PXMP2: variants seen among roughly 807,000 people sequenced by gnomAD.
PXMP2 encodes the protein 22 kDa peroxisomal membrane protein.
A neutral mutation model predicts 20.2 loss-of-function variants in PXMP2; 13 were observed. The observed-to-expected ratio is 0.64, with a 90% CI of 0.42 to 1.02. PXMP2 has a LOEUF of 1.02. PXMP2 is among the 50% of genes least tolerant of loss of function. The pLI is 0.00. For synonymous variants in PXMP2, 113 were observed against 111.2 expected, an observed-to-expected ratio of 1.02 and a Z score of -0.10; for missense variants, 284 against 251.8, an observed-to-expected ratio of 1.13 and a Z score of -0.87.
chr12:132,697,289 G>A (rs891694516), intron 3 of PXMP2, among the ~76,000 whole-genome samples: 2 of 123,758 alleles, frequency 1.6e-5, no homozygotes, highest in African/African-American at 5.2e-5. Flanking sequence ...TGGTTCAAAA[G>A]ACAAAAATAA....
chr12:132,693,516 G>T (rs2043385821), intron 2 of PXMP2, among the ~76,000 whole-genome samples: 2 of 90,428 alleles, frequency 2.2e-5, no homozygotes, highest in African/African-American at 4.0e-5. Flanking sequence ...GTTAGTTAGT[G>T]AGCTCCCTTG....
intron 3 of PXMP2, among the ~76,000 whole-genome samples, chr12:132,699,299 C>T (rs1565992939): frequency 6.6e-6 from 1 of 152,042 alleles, no homozygotes; most frequent in Non-Finnish European, 1.5e-5. Context: ...TGGCTGTAGT[C>T]CCAGCTACTC....
rs559210584 is a variant in PXMP2 at position 132,699,731 on chromosome 12, G to A, written c.400-1519G>A. ...TTTTTTTATAGCAGAGTAGTGTTCCGTGGTGTATTTATGGCACTTTTTCTT... is the reference window on the plus strand; with the variant it reads ...TTTTTTTATAGCAGAGTAGTGTTCCATGGTGTATTTATGGCACTTTTTCTT... On this transcript the variant is annotated intron_variant, in intron 3 of 4. Coordinates refer to ENST00000317479, the MANE Select transcript of PXMP2 (RefSeq NM_018663.3). Among the ~76,000 whole-genome samples the A allele has an allele frequency of 3.9e-5, 6 of 152,012 alleles. No homozygotes were observed. The East Asian group carries it at 1.2e-3, about 29-fold the overall frequency.
rs1401532337 is a variant in PXMP2 at position 132,694,758 on chromosome 12, CAGTTAGTGAGTGCCCTTGCCAGTT to C, written c.237-1115_237-1092del. On this transcript the variant is annotated intron_variant, in intron 2 of 4. Coordinates refer to ENST00000317479, the MANE Select transcript of PXMP2 (RefSeq NM_018663.3). ...CAGTTAGTTAGTGAGCTCCCTTAGTCAGTTAGTGAGTGCCCTTGCCAGTTAGTTAGTGAGCGCCCTTGCCAGTTA... is the reference window on the plus strand; with the variant it reads ...CAGTTAGTTAGTGAGCTCCCTTAGTCAGTTAGTGAGCGCCCTTGCCAGTTA... Among the ~76,000 whole-genome samples the C allele has an allele frequency of 4.8e-4, 52 of 107,626 alleles. 1 individual carries two copies. Among genetic ancestry groups the C allele is most frequent in the African/African-American group, 1.6e-3 (46 of 28,232 alleles). The allele number at this position is 107,626 out of a possible 152,430, so 70.6% of individuals were successfully genotyped here.
chr12:132,694,002 T>A (rs1323193047), intron 2 of PXMP2, among the ~76,000 whole-genome samples: 2 of 111,282 alleles, frequency 1.8e-5, no homozygotes, highest in African/African-American at 6.2e-5. Flanking sequence ...TGCCAGTTAG[T>A]TAGTGAGCTC....
Position 132,701,322 on chromosome 12 carries a change from G to A in PXMP2, c.472G>A (p.Val158Met), listed in dbSNP as rs765622337. The change falls in exon 4 of 5, where the codon GTG (valine) becomes ATG (methionine). Residue 158 changes from valine to methionine, a missense_variant. Val to Met is a conservative substitution (Grantham distance 21). Coordinates refer to ENST00000317479, the MANE Select transcript of PXMP2 (RefSeq NM_018663.3). ...FWPALRMNWR[V>M]WTPLQFININ... is the part of the protein sequence containing the mutation. ...GCCGGCGCTGAGGATGAACTGGCGG[G>A]TGTGGACGCCACTACAGTTCATCAA... 14 of 1,613,254 alleles carry A rather than the reference G, an allele frequency of 8.7e-6. No individual in the cohort carries two copies. In the South Asian group the frequency reaches 1.1e-4, roughly 13 times the overall value.
chr12:132,703,846 G>A (rs886667255), intron 4 of PXMP2, among the ~76,000 whole-genome samples: 1 of 152,134 alleles, frequency 6.6e-6, no homozygotes, highest in African/African-American at 2.4e-5. Flanking sequence ...ACAGCCATGG[G>A]CCACTGGTTC....
chr12:132,690,186 C>T, intron 1 of PXMP2, 77 bp from the exon 2 acceptor site: 1 of 1,163,510 alleles, frequency 8.6e-7, no homozygotes, highest in Non-Finnish European at 1.3e-6. Context: ...CTCAGAACGG[C>T]CCTGCTAATT....
chr12:132,690,882 G>C (rs1359667740), intron 2 of PXMP2, among the ~76,000 whole-genome samples: 4 of 151,892 alleles, frequency 2.6e-5, no homozygotes, highest in Non-Finnish European at 1.5e-5. Flanking sequence ...AATTGGATGG[G>C]TAGGGGTGAC....
chr12:132,697,412 TA>T (rs1239013986), intron 3 of PXMP2, among the ~76,000 whole-genome samples: 11 of 151,922 alleles, frequency 7.2e-5, no homozygotes, highest in Non-Finnish European at 1.5e-5. Context: ...TTTATTTATT[TA>T]TTTTTTATTT....
Position 132,696,149 on chromosome 12 carries a change from A to G in PXMP2, c.399+103A>G, listed in dbSNP as rs1469771052. ...CAGAGGGTCTGCAGATTTTTCACTC[A>G]AATTGAAATTTTGCATTTTCTTTTA... is the stretch of plus-strand genomic sequence containing the variant. On this transcript the variant is annotated intron_variant, in intron 3 of 4. Coordinates refer to ENST00000317479, the MANE Select transcript of PXMP2 (RefSeq NM_018663.3). The surrounding 1 kb of genome is among the most constrained non-coding windows in gnomAD (Gnocchi z 4.4). 2.2e-6 allele frequency: 3 copies of G among 1,347,398 alleles called. No individual in the cohort carries two copies. The highest frequency in any genetic ancestry group is 2.9e-5 in the African/African-American group (2 of 67,988). 83.5% of individuals were successfully genotyped at this position (1,347,398 alleles called of 1,614,324 possible).
rs754865806 is a variant in PXMP2 at position 132,695,984 on chromosome 12, G to T, written c.337G>T (p.Asp113Tyr). The T allele has an allele frequency of 6.2e-7, 1 of 1,612,466 alleles. No individual in the cohort carries two copies. Among genetic ancestry groups the T allele is most frequent in the Non-Finnish European group, 8.5e-7 (1 of 1,179,324 alleles). The part of the protein sequence containing the change: ...PLAGLRRLLL[D>Y]RLVFAPAFLM... ...GGCAGGGCTCAGGAGGCTTCTCCTG[G>T]ACCGCCTCGTCTTTGCACCGGCCTT... The change falls in exon 3 of 5, where the codon GAC becomes TAC. Residue 113 changes from aspartate to tyrosine, a missense_variant. Transcript: ENST00000317479.
chr12:132,689,661 A>T (rs1265281176), intron 1 of PXMP2, among the ~76,000 whole-genome samples: 1 of 152,158 alleles, frequency 6.6e-6, no homozygotes, highest in Non-Finnish European at 1.5e-5. Flanking sequence ...GCCTGGAGGG[A>T]GCCACTGGGC....
chr12:132,687,952 G>A (rs2043318937), intron 1 of PXMP2, 160 bp downstream of exon 1: 4 of 660,098 alleles, frequency 6.1e-6, no homozygotes, highest in Non-Finnish European at 7.8e-6. Context: ...ACTTCCCGCG[G>A]CGACACCCGC....
At chr12:132,690,063 C>T (rs2043357225) in intron 1 of PXMP2, among the ~76,000 whole-genome samples, 200 bp from the exon 2 acceptor site, 1 of 152,198 alleles carries the variant, frequency 6.6e-6, no homozygotes, top group South Asian at 2.1e-4. Flanking sequence ...ACTGGAAAGC[C>T]ACTTGTCCTT....
At chr12:132,702,545 G>A (rs906236548) in intron 4 of PXMP2, 30 of 317,202 alleles carry the variant, frequency 9.5e-5, no homozygotes, top group African/African-American at 6.3e-4. Context: ...CAGGGGCCAC[G>A]TGCTTCCCTC....
At position 132,690,362 on chromosome 12, in the gene PXMP2, A is replaced by T. The variant is rs759549498; in HGVS notation, c.222A>T (p.Arg74Ser). Reference protein sequence around the residue: ...SRSLDVGGPLRYAVYGFFFTG... With the variant: ...SRSLDVGGPLSYAVYGFFFTG... Reference sequence around the variant, plus strand: ...GTCTGGATGTCGGTGGGCCTCTGAGATATGCCGTTTACGGGTGAGTGCCAT... The same window carrying T: ...GTCTGGATGTCGGTGGGCCTCTGAGTTATGCCGTTTACGGGTGAGTGCCAT... The change falls in exon 2 of 5, where the codon AGA becomes AGT. Residue 74 changes from arginine to serine, a missense_variant. By Grantham distance (110) the Arg-to-Ser change is moderately radical. Coordinates refer to ENST00000317479, the MANE Select transcript of PXMP2 (RefSeq NM_018663.3). The T allele has an allele frequency of 6.2e-6, 10 of 1,612,582 alleles. No individual in the cohort carries two copies. The Admixed American group carries it at 1.7e-4, about 27-fold the overall frequency.
chr12:132,699,424 G>GA (rs2043426467), intron 3 of PXMP2, among the ~76,000 whole-genome samples: 3 of 149,892 alleles, frequency 2.0e-5, no homozygotes, highest in South Asian at 4.2e-4. Flanking sequence ...CCCTGTCTTG[G>GA]AAAAAAAAAG....
At chr12:132,698,770 G>A (rs1440137731) in intron 3 of PXMP2, among the ~76,000 whole-genome samples, 2 of 152,072 alleles carry the variant, frequency 1.3e-5, no homozygotes, top group East Asian at 1.9e-4. Context: ...GGGACAACAG[G>A]CGCCCACCAC....
Sources: gnomAD v4.1 joint callset for allele counts (sites outside exome capture counted in the v4.1 genomes callset) on GRCh38, gnomAD v4.1.1 for gene constraint, Gnocchi (gnomAD v3.1) non-coding constraint, MANE v1.5 for transcripts, NCBI Gene and HGNC (gene_info 2026-07-23, HGNC 2026-07-21) for gene names.